Variants in ME2 observed in about 807,000 individuals in gnomAD.
ME2 encodes the protein NAD-dependent malic enzyme, mitochondrial.
In ME2, 60 loss-of-function variants were observed where a neutral mutation model predicts 73.7. That is an observed-to-expected ratio of 0.81 (90% CI 0.66 to 1.01). The LOEUF is 1.01. Among genes scored for constraint, ME2 ranks in the 50% least tolerant of loss-of-function variants. ME2 has a pLI of 0.00. For missense variants in ME2, 594 were observed against 705.5 expected (o/e 0.84, Z 1.79); for synonymous variants, 199 against 236.9 (o/e 0.84, Z 1.47).
chr18:50,922,976 T>C (rs933504716), intron 10 of ME2, among the ~76,000 whole-genome samples: 6 of 152,212 alleles, frequency 3.9e-5, no homozygotes, highest in African/African-American at 7.2e-5. Context: ...GAGTTCTCAG[T>C]TGGTTTTTGC....
intron 11 of ME2, 76 bp downstream of exon 11, chr18:50,924,288 C>T: frequency 1.0e-6 from 1 of 985,400 alleles, no homozygotes; most frequent in Non-Finnish European, 1.5e-6. Context: ...TGTAGGATTA[C>T]TAAAAATGAA....
At chr18:50,887,237 AAC>A (rs1414249475) in intron 1 of ME2, among the ~76,000 whole-genome samples, 1 of 152,230 alleles carries the variant, frequency 6.6e-6, no homozygotes, top group Non-Finnish European at 1.5e-5. Flanking sequence ...TTGCTCTAAA[AAC>A]ACAGAGATGG....
At chr18:50,906,840 C>T (rs1274147377) in intron 2 of ME2, among the ~76,000 whole-genome samples, 1 of 152,128 alleles carries the variant, frequency 6.6e-6, no homozygotes, top group African/African-American at 2.4e-5. Context: ...TGCACAGAGC[C>T]TTAAGGTTAG....
intron 12 of ME2, among the ~76,000 whole-genome samples, chr18:50,926,992 GT>G (rs924599405): frequency 1.3e-5 from 2 of 151,814 alleles, no homozygotes; most frequent in African/African-American, 4.8e-5. Context: ...TTCTAAGGCT[GT>G]TTTTTTTGAG....
chr18:50,937,880 G>A (rs906560728), intron 13 of ME2, among the ~76,000 whole-genome samples: 3 of 152,118 alleles, frequency 2.0e-5, no homozygotes, highest in African/African-American at 7.2e-5. Flanking sequence ...AAAATGGAGG[G>A]AAGTGAATCC....
At position 50,949,384 on chromosome 18, in the gene ME2, G is replaced by C. The variant is rs1454955039; in HGVS notation, c.*2200G>C. The C allele has an allele frequency of 6.6e-6, 1 of 152,370 alleles. No individual in the cohort carries two copies. The highest frequency in any genetic ancestry group is 1.9e-4 in the East Asian group (1 of 5,186). 9.4% of individuals were successfully genotyped at this position (152,370 alleles called of 1,614,324 possible). ...TCACCCTTGCTGGAGGGCGGTGGCT[G>C]TTCACAGGCGTGGGTCATAGAGCAC... is the stretch of plus-strand genomic sequence containing the variant. On this transcript the variant is annotated 3_prime_UTR_variant, in exon 16 of 16. Transcript: ENST00000321341.
intron 15 of ME2, among the ~76,000 whole-genome samples, chr18:50,943,304 T>C (rs1359493309): frequency 6.6e-6 from 1 of 152,058 alleles, no homozygotes; most frequent in Non-Finnish European, 1.5e-5. Context: ...TTTATTTATT[T>C]ATTTATTTAT....
chr18:50,944,493 C>T (rs1599129861), intron 15 of ME2, among the ~76,000 whole-genome samples: 1 of 152,172 alleles, frequency 6.6e-6, no homozygotes, highest in African/African-American at 2.4e-5. Flanking sequence ...GCTCTATGAG[C>T]AGGGCTGTGT....
Position 50,910,595 on chromosome 18 carries a change from C to T in ME2, c.243-2206C>T, listed in dbSNP as rs550556900. Among the ~76,000 whole-genome samples, 37 of 152,174 alleles carry T rather than the reference C, an allele frequency of 2.4e-4. 1 individual carries two copies. Among genetic ancestry groups the T allele is most frequent in the Non-Finnish European group, 2.2e-4 (15 of 68,032 alleles). ...GAAAAAATGAAATGTAACACTGATT[C>T]AGGCTTGGAGTTTGCTGGGCTGGCA... is the stretch of plus-strand genomic sequence containing the variant. On this transcript the variant is annotated intron_variant, in intron 3 of 15. Coordinates refer to ENST00000321341, the MANE Select transcript of ME2 (RefSeq NM_002396.5).
At chr18:50,909,114 C>A (rs558429356) in intron 3 of ME2, among the ~76,000 whole-genome samples, 1 of 151,838 alleles carries the variant, frequency 6.6e-6, no homozygotes, top group Non-Finnish European at 1.5e-5. Context: ...CCACCACACC[C>A]GGCTAATTTT....
rs1157491976 is a variant in ME2 at position 50,952,056 on chromosome 18, T to A, written c.*4872T>A. ...AAATGGCACCAGCATCCTGTTTCCA[T>A]CCAAGACAAGACCACACGTGTTCAG... On this transcript the variant is annotated 3_prime_UTR_variant, in exon 16 of 16. Coordinates refer to ENST00000321341, the MANE Select transcript of ME2 (RefSeq NM_002396.5). 6.6e-6 allele frequency: 1 copy of A among 152,126 alleles called. No individual in the cohort carries two copies. Among genetic ancestry groups the A allele is most frequent in the African/African-American group, 2.4e-5 (1 of 41,424 alleles). The allele number at this position is 152,126 out of a possible 1,614,324, so 9.4% of individuals were successfully genotyped here.
chr18:50,950,218 A>G lies in ME2; in HGVS notation c.*3034A>G, dbSNP rs1399398789. 1 of 152,206 alleles carries G rather than the reference A, an allele frequency of 6.6e-6. No homozygotes were observed. The highest frequency in any genetic ancestry group is 1.5e-5 in the Non-Finnish European group (1 of 68,044). 9.4% of individuals were successfully genotyped at this position (152,206 alleles called of 1,614,324 possible). On this transcript the variant is annotated 3_prime_UTR_variant, in exon 16 of 16. Transcript: ENST00000321341. ...TCCAAGATTTTAGTTAAAATATTTT[A>G]AAATTTTTTGATTCATAACCAAGAA...
At position 50,950,467 on chromosome 18, in the gene ME2, C is replaced by CCTTTTTTTTTTTTTTTTTTT. The variant is rs1320031263; in HGVS notation, c.*3283_*3284insCTTTTTTTTTTTTTTTTTTT. The CCTTTTTTTTTTTTTTTTTTT allele has an allele frequency of 7.5e-4, 34 of 45,080 alleles. 3 individuals are homozygous for CCTTTTTTTTTTTTTTTTTTT. Among genetic ancestry groups the CCTTTTTTTTTTTTTTTTTTT allele is most frequent in the African/African-American group, 2.8e-3 (32 of 11,290 alleles). 2.8% of individuals were successfully genotyped at this position (45,080 alleles called of 1,614,324 possible). Reference sequence around the variant, plus strand: ...GCCTGGGGTGGGGCCTCAGATTCTGCTTTTTTTTTTTTTTTTTTTTTTTTT... The same window carrying CCTTTTTTTTTTTTTTTTTTT: ...GCCTGGGGTGGGGCCTCAGATTCTGCCTTTTTTTTTTTTTTTTTTTTTTTTTTTTTTTTTTTTTTTTTTTT... On this transcript the variant is annotated 3_prime_UTR_variant, in exon 16 of 16. Transcript: ENST00000321341.
chr18:50,949,179 A>C lies in ME2; in HGVS notation c.*1995A>C, dbSNP rs1024338829. ...TCTGAATATAATTTAATAATTTTAA[A>C]ATGGTCGCAATGGCATTGCCATTTG... On this transcript the variant is annotated 3_prime_UTR_variant, in exon 16 of 16. Coordinates refer to ENST00000321341, the MANE Select transcript of ME2 (RefSeq NM_002396.5). 6.6e-6 allele frequency: 1 copy of C among 152,200 alleles called. No homozygotes were observed. The highest frequency in any genetic ancestry group is 6.5e-5 in the Admixed American group (1 of 15,286). The allele number at this position is 152,200 out of a possible 1,614,324, so 9.4% of individuals were successfully genotyped here. A position where few individuals can be genotyped will look rare whatever the true frequency, so the allele number is the denominator to read the frequency against.
At chr18:50,916,444 A>G (rs1568167463) in intron 5 of ME2, 3 of 430,526 alleles carry the variant, frequency 7.0e-6, no homozygotes, top group Non-Finnish European at 1.2e-5. Flanking sequence ...ACTCTGAGAA[A>G]GAAATTAGAG....
intron 1 of ME2, among the ~76,000 whole-genome samples, chr18:50,882,985 A>G (rs1222767663): frequency 1.3e-5 from 2 of 152,134 alleles, no homozygotes; most frequent in South Asian, 2.1e-4. Flanking sequence ...ACTGCAATCT[A>G]CTGTCCTGAT....
chr18:50,898,063 C>T lies in ME2; in HGVS notation c.108+2135C>T, dbSNP rs972451230. Among the ~76,000 whole-genome samples, 7 of 152,124 alleles carry T rather than the reference C, an allele frequency of 4.6e-5. No individual in the cohort carries two copies. In the East Asian group the frequency reaches 7.7e-4, roughly 17 times the overall value. On this transcript the variant is annotated intron_variant, in intron 2 of 15. Coordinates refer to ENST00000321341, the MANE Select transcript of ME2 (RefSeq NM_002396.5). Reference sequence around the variant, plus strand: ...TCATGGGTTATAGACTCCTCAGGAACTTACCATGTAAAGAAATCTCATTTG... The same window carrying T: ...TCATGGGTTATAGACTCCTCAGGAATTTACCATGTAAAGAAATCTCATTTG...
chr18:50,941,196 G>A (rs1292162665), intron 15 of ME2, among the ~76,000 whole-genome samples: 1 of 149,826 alleles, frequency 6.7e-6, no homozygotes, highest in Non-Finnish European at 1.5e-5. Context: ...GGGAGAAGGA[G>A]GTTGCAGTGA....
At chr18:50,902,296 T>C (rs1353683380) in intron 2 of ME2, among the ~76,000 whole-genome samples, 1 of 152,248 alleles carries the variant, frequency 6.6e-6, no homozygotes, top group Non-Finnish European at 1.5e-5. Context: ...GTTTATATTT[T>C]AACTTCTCCC....
Sources: allele counts gnomAD v4.1 joint callset (sites outside exome capture counted in the v4.1 genomes callset), GRCh38; gene constraint gnomAD v4.1.1; transcripts MANE v1.5; gene names NCBI Gene and HGNC (gene_info 2026-07-23, HGNC 2026-07-21).